Variants in FMNL2 observed in about 807,000 individuals in gnomAD.
FMNL2 encodes the protein formin like 2, also known as formin-like protein 2.
Under a neutral mutation model 130.2 loss-of-function variants are expected in FMNL2, and 51 were observed. The ratio of observed to expected loss-of-function variants is 0.39; its 90% CI spans 0.31 to 0.49. The LOEUF is 0.49. Among genes scored for constraint, FMNL2 ranks in the 20% least tolerant of loss-of-function variants. FMNL2 has a pLI of 0.85. For missense variants in FMNL2, 977 were observed against 1,316.2 expected (o/e 0.74, Z 3.99); for synonymous variants, 465 against 467.1 (o/e 1.00, Z 0.06).
At chr2:152,381,971 G>C (rs1684496391) in intron 1 of FMNL2, among the ~76,000 whole-genome samples, 1 of 151,984 alleles carries the variant, frequency 6.6e-6, no homozygotes, top group African/African-American at 2.4e-5. Flanking sequence ...GCTAATTTTT[G>C]TATTTTTTGT....
chr2:152,523,014 G>A (rs976811045), intron 2 of FMNL2, among the ~76,000 whole-genome samples: 10 of 152,082 alleles, frequency 6.6e-5, no homozygotes, highest in Admixed American at 4.6e-4. Context: ...CCCCAATGCC[G>A]TGTGCACGCA....
intron 2 of FMNL2, among the ~76,000 whole-genome samples, chr2:152,525,013 A>G (rs964616510): frequency 6.6e-6 from 1 of 152,070 alleles, no homozygotes; most frequent in Non-Finnish European, 1.5e-5. Context: ...CGCCTTTCCT[A>G]TCTGTTTCCC....
intron 2 of FMNL2, among the ~76,000 whole-genome samples, chr2:152,527,786 A>G (rs944696669): frequency 1.3e-5 from 2 of 152,152 alleles, no homozygotes; most frequent in Non-Finnish European, 2.9e-5. Context: ...TCCTTTTCAC[A>G]TGACCCTCTT....
chr2:152,432,889 C>G (rs1411481792), intron 1 of FMNL2, among the ~76,000 whole-genome samples: 1 of 152,188 alleles, frequency 6.6e-6, no homozygotes, highest in Non-Finnish European at 1.5e-5. Flanking sequence ...ACAGGAGAAG[C>G]TCCAGGATTC....
chr2:152,636,998 CAG>C (rs1682672481), intron 22 of FMNL2, among the ~76,000 whole-genome samples: 1 of 152,126 alleles, frequency 6.6e-6, no homozygotes, highest in Non-Finnish European at 1.5e-5. Context: ...GCCTGCAAAA[CAG>C]AATGAACAGT....
intron 1 of FMNL2, among the ~76,000 whole-genome samples, chr2:152,378,078 C>T (rs1005608913): frequency 4.1e-5 from 6 of 148,024 alleles, no homozygotes; most frequent in Non-Finnish European, 7.4e-5. Flanking sequence ...CACCACTGCA[C>T]TCCAGCCTAG....
intron 1 of FMNL2, among the ~76,000 whole-genome samples, chr2:152,412,457 T>TATATA (rs1558840839): frequency 2.9e-3 from 22 of 7,516 alleles, no homozygotes; most frequent in Non-Finnish European, 6.7e-3. Context: ...TATATATATA[T>TATATA]ATATATATAT....
intron 2 of FMNL2, among the ~76,000 whole-genome samples, chr2:152,538,044 A>C (rs761086752): frequency 2.0e-5 from 3 of 152,244 alleles, no homozygotes; most frequent in Admixed American, 6.5e-5. Context: ...ACTGTGAAGT[A>C]TCACTGAAAG....
intron 1 of FMNL2, among the ~76,000 whole-genome samples, chr2:152,462,536 C>G (rs1689306520): frequency 6.6e-6 from 1 of 152,152 alleles, no homozygotes; most frequent in Non-Finnish European, 1.5e-5. Flanking sequence ...CAGATCTATG[C>G]TTGTATTATA....
chr2:152,618,375 G>A (rs576923673), intron 13 of FMNL2, among the ~76,000 whole-genome samples: 2 of 152,296 alleles, frequency 1.3e-5, no homozygotes, highest in South Asian at 2.1e-4. Context: ...GGTTACTCAT[G>A]AGTAGATTAT....
intron 1 of FMNL2, among the ~76,000 whole-genome samples, chr2:152,405,010 T>G (rs955818709): frequency 2.6e-5 from 4 of 152,252 alleles, no homozygotes; most frequent in Middle Eastern, 3.4e-3. Context: ...AATTCCTGTC[T>G]CCGGAAAGAA....
intron 1 of FMNL2, among the ~76,000 whole-genome samples, chr2:152,419,201 A>AG (rs1686776308): frequency 6.6e-6 from 1 of 152,134 alleles, no homozygotes; most frequent in Non-Finnish European, 1.5e-5. Context: ...CAAATACTTA[A>AG]GGGGGTACAA....
chr2:152,498,480 G>A (rs10173398), intron 1 of FMNL2, among the ~76,000 whole-genome samples: 48,901 of 151,716 alleles, frequency 0.32, 8,223 homozygotes, highest in East Asian at 0.58. Context: ...ATATTATCTG[G>A]GTTGTCAGTT....
Position 152,504,667 on chromosome 2 carries a change from T to C in FMNL2, c.118-17276T>C, listed in dbSNP as rs144612514. ...ATGAGTAAATGGGTTGTTTACTGAA[T>C]GTAAGCTTCTATCTCTTATGCACTG... On this transcript the variant is annotated intron_variant, in intron 1 of 25. Coordinates refer to ENST00000288670, the MANE Select transcript of FMNL2 (RefSeq NM_052905.4). 3.9e-3 allele frequency among the ~76,000 whole-genome samples: 595 copies of C among 152,344 alleles called. 6 individuals carry two copies. Among genetic ancestry groups the C allele is most frequent in the Non-Finnish European group, 6.7e-3 (457 of 68,026 alleles).
chr2:152,625,660 G>A, intron 16 of FMNL2, 98 bp downstream of exon 16: 1 of 1,366,506 alleles, frequency 7.3e-7, no homozygotes, highest in South Asian at 1.5e-5. Flanking sequence ...TAAAGTACTA[G>A]TGTTTTAAGT....
intron 9 of FMNL2, among the ~76,000 whole-genome samples, chr2:152,589,869 A>G (rs1697289520): frequency 6.8e-6 from 1 of 147,732 alleles, no homozygotes; most frequent in Non-Finnish European, 1.5e-5. Context: ...TCCTGGGCTC[A>G]AGTGGTCCTC....
chr2:152,575,426 A>G (rs1009604477), intron 7 of FMNL2, among the ~76,000 whole-genome samples, 182 bp downstream of exon 7: 2 of 130,974 alleles, frequency 1.5e-5, no homozygotes, highest in Non-Finnish European at 3.2e-5. Flanking sequence ...AAATTTTTTT[A>G]AAAAAGAAGA....
intron 25 of FMNL2, among the ~76,000 whole-genome samples, chr2:152,642,113 T>C (rs1667975430): frequency 6.6e-6 from 1 of 152,102 alleles, no homozygotes; most frequent in Non-Finnish European, 1.5e-5. Context: ...GATAATTTTT[T>C]GTATTTGTAG....
chr2:152,645,559 C>A, intron 25 of FMNL2: 1 of 1,221,308 alleles, frequency 8.2e-7, no homozygotes, highest in Non-Finnish European at 1.1e-6. Flanking sequence ...GCTTCCTCCT[C>A]TCTCTGTATG....
Sources: allele counts gnomAD v4.1 joint callset (sites outside exome capture counted in the v4.1 genomes callset), GRCh38; gene constraint gnomAD v4.1.1; transcripts MANE v1.5; gene names NCBI Gene and HGNC (gene_info 2026-07-23, HGNC 2026-07-21).